Variants in SH3D19 observed in about 807,000 individuals in gnomAD.
The protein encoded by SH3D19 is SH3 domain containing 19.
Under a neutral mutation model 112.1 loss-of-function variants are expected in SH3D19, and 58 were observed. That is an observed-to-expected ratio of 0.52 (90% CI 0.42 to 0.64). The LOEUF (loss-of-function observed/expected upper bound fraction) is 0.64. SH3D19 is among the 30% of genes least tolerant of loss of function. The pLI, the probability that SH3D19 is intolerant of heterozygous loss-of-function variation, is 0.00. For synonymous variants in SH3D19, 391 were observed against 448.5 expected, an observed-to-expected ratio of 0.87 and a Z score of 1.62; for missense variants, 1,090 against 1,263.4, an observed-to-expected ratio of 0.86 and a Z score of 2.08.
At chr4:151,196,922 C>A (rs1227173224) in intron 2 of SH3D19, among the ~76,000 whole-genome samples, 3 of 152,000 alleles carry the variant, frequency 2.0e-5, no homozygotes, top group East Asian at 3.9e-4. Flanking sequence ...CAGAGAAATG[C>A]AAATCAAAAC....
intron 7 of SH3D19, among the ~76,000 whole-genome samples, chr4:151,169,729 A>C (rs1038846585): frequency 1.3e-5 from 2 of 152,236 alleles, no homozygotes; most frequent in Non-Finnish European, 2.9e-5. Flanking sequence ...AAATGTTTAA[A>C]GATCATAACC....
chr4:151,189,574 G>A (rs1318321067), intron 2 of SH3D19, among the ~76,000 whole-genome samples: 1 of 152,108 alleles, frequency 6.6e-6, no homozygotes, highest in Admixed American at 6.5e-5. Context: ...TCTCACGACA[G>A]TGAATAAGTC....
In SH3D19 at chr4:151,245,278, GTAAC is replaced by G. The variant is rs1260763225; in HGVS notation, c.113-19196_113-19193del. Among the ~76,000 whole-genome samples, 11 of 152,116 alleles carry G rather than the reference GTAAC, an allele frequency of 7.2e-5. No individual in the cohort carries two copies. The Middle Eastern group carries it at 0.01, about 141-fold the overall frequency. Reference sequence around the variant, plus strand: ...TTTGTTCAAGTCTTAATTAAGTAGTGTAACTAACTACTGAGTTCCCTGATTCAGT... The same window carrying G: ...TTTGTTCAAGTCTTAATTAAGTAGTGTAACTACTGAGTTCCCTGATTCAGT... On this transcript the variant is annotated intron_variant, in intron 1 of 19. Coordinates refer to ENST00000604030, the MANE Select transcript of SH3D19 (RefSeq NM_001378122.1).
intron 1 of SH3D19, among the ~76,000 whole-genome samples, chr4:151,309,625 C>T (rs970530596): frequency 6.6e-6 from 1 of 152,172 alleles, no homozygotes; most frequent in Non-Finnish European, 1.5e-5. Flanking sequence ...TCATTACTAA[C>T]CATCAGGGAA....
chr4:151,176,638 A>G lies in SH3D19; in HGVS notation c.425T>C (p.Val142Ala). The G allele has an allele frequency of 8.1e-7, 1 of 1,231,966 alleles. No individual in the cohort carries two copies. The highest frequency in any genetic ancestry group is 1.0e-6 in the Non-Finnish European group (1 of 987,798). 76.3% of individuals were successfully genotyped at this position (1,231,966 alleles called of 1,614,324 possible). The change falls in exon 6 of 20, where the codon GTT becomes GCT. Residue 142 changes from valine (V) to alanine (A), a missense_variant. Transcript: ENST00000604030. ...QVIKEINQVQ[V>A]NTTNNNNAAA... The stretch of plus-strand genomic sequence containing the variant: ...AGCATTATTATTATTTGTAGTATTA[A>G]CTTGAACTTGGTTGATTTCTTTTAT...
intron 1 of SH3D19, among the ~76,000 whole-genome samples, chr4:151,229,913 TCAAAAACAAAAA>T (rs964095398): frequency 6.6e-6 from 1 of 152,014 alleles, no homozygotes; most frequent in African/African-American, 2.4e-5. Context: ...AAACTCTGTC[TCAAAAACAAAAA>T]CAAAAACAAA....
At chr4:151,229,127 C>T (rs1198145917) in intron 1 of SH3D19, among the ~76,000 whole-genome samples, 1 of 151,898 alleles carries the variant, frequency 6.6e-6, no homozygotes, top group African/African-American at 2.4e-5. Context: ...CTGCCTTGGC[C>T]TCCCAAAGTG....
At position 151,143,054 on chromosome 4, in the gene SH3D19, T is replaced by C. The variant is rs148503417; in HGVS notation, c.2223+856A>G. On this transcript the variant is annotated intron_variant, in intron 12 of 19. Coordinates refer to ENST00000604030, the MANE Select transcript of SH3D19 (RefSeq NM_001378122.1). ...GAGTTTCAGACCAGCCCTGGCAACA[T>C]AGTGAGACCCTGTCTCTACAAAAAA... Among the ~76,000 whole-genome samples, 469 of 152,134 alleles carry C rather than the reference T, an allele frequency of 3.1e-3. 4 individuals are homozygous for C. Among genetic ancestry groups the C allele is most frequent in the African/African-American group, 0.011 (438 of 41,510 alleles).
At chr4:151,318,610 G>A (rs779774032) in intron 1 of SH3D19, among the ~76,000 whole-genome samples, 63 of 152,170 alleles carry the variant, frequency 4.1e-4, no homozygotes, top group Middle Eastern at 3.4e-3. Context: ...TCAATAATAA[G>A]AAAAAGGAGA....
chr4:151,269,631 T>C (rs1773089821), intron 1 of SH3D19, among the ~76,000 whole-genome samples: 1 of 152,140 alleles, frequency 6.6e-6, no homozygotes, highest in Non-Finnish European at 1.5e-5. Context: ...TTTTCTTTAA[T>C]AATAAATTAA....
At chr4:151,231,691 C>A (rs1221625974) in intron 1 of SH3D19, among the ~76,000 whole-genome samples, 4 of 152,176 alleles carry the variant, frequency 2.6e-5, no homozygotes, top group Admixed American at 2.6e-4. Flanking sequence ...AGAAATAAGA[C>A]ATACTACAGA....
intron 3 of SH3D19, among the ~76,000 whole-genome samples, chr4:151,184,212 C>G (rs2149843500): frequency 6.6e-6 from 1 of 152,274 alleles, no homozygotes. Context: ...ATAAGTTGAA[C>G]TACAACCAGT....
At chr4:151,192,931 A>G (rs576014451) in intron 2 of SH3D19, among the ~76,000 whole-genome samples, 1 of 152,306 alleles carries the variant, frequency 6.6e-6, no homozygotes, top group South Asian at 2.1e-4. Context: ...TAAAAATCAG[A>G]ATATGTTGCC....
At chr4:151,149,745 C>A (rs1481988033) in intron 9 of SH3D19, among the ~76,000 whole-genome samples, 184 bp from the exon 10 acceptor site, 3 of 152,138 alleles carry the variant, frequency 2.0e-5, no homozygotes, top group African/African-American at 4.8e-5. Flanking sequence ...TTATTCATGT[C>A]CTAATAACAA....
intron 2 of SH3D19, among the ~76,000 whole-genome samples, chr4:151,225,679 T>G (rs1226148400): frequency 6.6e-6 from 1 of 152,184 alleles, no homozygotes; most frequent in Non-Finnish European, 1.5e-5. Flanking sequence ...TCTTTTAAAT[T>G]TCTACAGTGA....
chr4:151,241,971 T>C (rs527780650), intron 1 of SH3D19, among the ~76,000 whole-genome samples: 94 of 152,070 alleles, frequency 6.2e-4, no homozygotes, highest in Non-Finnish European at 5.7e-4. Context: ...GGTGTGAGGA[T>C]TGCTTGAACC....
chr4:151,211,937 C>A (rs1313641765), intron 2 of SH3D19, among the ~76,000 whole-genome samples: 1 of 152,202 alleles, frequency 6.6e-6, no homozygotes, highest in Non-Finnish European at 1.5e-5. Context: ...TCCAGCAGAT[C>A]TAGCTAACAT....
intron 1 of SH3D19, among the ~76,000 whole-genome samples, chr4:151,233,387 G>A (rs140721163): frequency 4.6e-5 from 7 of 152,224 alleles, no homozygotes; most frequent in Non-Finnish European, 7.3e-5. Flanking sequence ...GTTGGGGACC[G>A]CTGCATTAAG....
intron 19 of SH3D19, among the ~76,000 whole-genome samples, chr4:151,127,077 T>A (rs1452571666): frequency 6.6e-6 from 1 of 151,708 alleles, no homozygotes; most frequent in Non-Finnish European, 1.5e-5. Context: ...GCCCAGCTAA[T>A]TTTTTTGTAT....
Sources: allele counts gnomAD v4.1 joint callset (sites outside exome capture counted in the v4.1 genomes callset), GRCh38; gene constraint gnomAD v4.1.1; transcripts MANE v1.5; gene names NCBI Gene and HGNC (gene_info 2026-07-23, HGNC 2026-07-21).